MECOM: variants seen among roughly 807,000 people sequenced by gnomAD.
MECOM encodes histone-lysine N-methyltransferase MECOM.
Under a neutral mutation model 116.3 loss-of-function variants are expected in MECOM, and 13 were observed. The ratio of observed to expected loss-of-function variants is 0.11; its 90% CI spans 0.07 to 0.18. MECOM has a LOEUF of 0.18. Ranked by LOEUF, MECOM falls within the 10% of genes least tolerant of loss-of-function variation. The pLI, the probability that MECOM is intolerant of heterozygous loss-of-function variation, is 1.00. For synonymous variants in MECOM, 528 were observed against 535.2 expected (o/e 0.99, Z 0.19); for missense variants, 1,299 against 1,509.0 (o/e 0.86, Z 2.31).
At chr3:169,604,814 T>TA (rs1296791152) in intron 1 of MECOM, among the ~76,000 whole-genome samples, 1 of 152,124 alleles carries the variant, frequency 6.6e-6, no homozygotes, top group Non-Finnish European at 1.5e-5. Context: ...CTCCCATCCC[T>TA]AAAAGTGGGC....
chr3:169,624,358 A>G (rs1771101559), intron 1 of MECOM, among the ~76,000 whole-genome samples: 1 of 152,138 alleles, frequency 6.6e-6, no homozygotes, highest in Non-Finnish European at 1.5e-5. Context: ...GCCTTCTTGG[A>G]TGTTTGTGCT....
At chr3:169,559,912 C>T (rs1374388147) in intron 1 of MECOM, among the ~76,000 whole-genome samples, 10 of 152,166 alleles carry the variant, frequency 6.6e-5, no homozygotes, top group Admixed American at 6.6e-4. Flanking sequence ...ATAGGTCATA[C>T]ATTCAGGACT....
At chr3:169,538,095 T>C (rs1433521096) in intron 1 of MECOM, among the ~76,000 whole-genome samples, 8 of 152,192 alleles carry the variant, frequency 5.3e-5, no homozygotes, top group Non-Finnish European at 1.0e-4. Context: ...AGCACCCCAG[T>C]TGATTCTAAT....
intron 1 of MECOM, among the ~76,000 whole-genome samples, chr3:169,545,047 A>T (rs759023717): frequency 3.1e-4 from 47 of 152,246 alleles, no homozygotes; most frequent in African/African-American, 6.5e-4. Context: ...TTTAAAAAAA[A>T]TTTTTTTAAT....
chr3:169,265,444 C>T (rs755116763), intron 2 of MECOM, among the ~76,000 whole-genome samples: 6 of 152,082 alleles, frequency 3.9e-5, no homozygotes, highest in South Asian at 2.1e-4. Context: ...GTATGTACTG[C>T]GATTATTGTC....
At chr3:169,323,486 G>GCAGA (rs1212068076) in intron 2 of MECOM, among the ~76,000 whole-genome samples, 1 of 152,108 alleles carries the variant, frequency 6.6e-6, no homozygotes. Context: ...GAAGAGAGAG[G>GCAGA]CAGACAGACA....
chr3:169,099,971 T>C (rs1297169067), intron 12 of MECOM, among the ~76,000 whole-genome samples: 1 of 152,132 alleles, frequency 6.6e-6, no homozygotes, highest in Admixed American at 6.6e-5. Flanking sequence ...TAGGAAATTA[T>C]TGATAAAATT....
chr3:169,142,247 T>A (rs1477199361), intron 3 of MECOM, among the ~76,000 whole-genome samples: 1 of 151,950 alleles, frequency 6.6e-6, no homozygotes, highest in East Asian at 1.9e-4. Context: ...TTTCACGGAT[T>A]CTACAACAGT....
chr3:169,275,589 C>T (rs937266022), intron 2 of MECOM, among the ~76,000 whole-genome samples: 3 of 152,170 alleles, frequency 2.0e-5, no homozygotes, highest in African/African-American at 7.2e-5. Context: ...TTAAAATACA[C>T]TATTTAATTT....
intron 1 of MECOM, among the ~76,000 whole-genome samples, chr3:169,405,668 T>C (rs767366304): frequency 6.6e-6 from 1 of 152,238 alleles, no homozygotes; most frequent in Non-Finnish European, 1.5e-5. Flanking sequence ...AATATGTCCA[T>C]TTAGTACTTT....
At chr3:169,285,683 C>G (rs1343197491) in intron 2 of MECOM, among the ~76,000 whole-genome samples, 4 of 152,170 alleles carry the variant, frequency 2.6e-5, no homozygotes, top group African/African-American at 9.7e-5. Flanking sequence ...AAGATGTACT[C>G]TCATTTTCCT....
intron 1 of MECOM, among the ~76,000 whole-genome samples, chr3:169,499,930 G>A (rs1358193851): frequency 6.6e-6 from 1 of 152,016 alleles, no homozygotes; most frequent in African/African-American, 2.4e-5. Flanking sequence ...CATTTTCTAA[G>A]GCTCTCTAGC....
At chr3:169,556,832 T>C (rs1378702317) in intron 1 of MECOM, among the ~76,000 whole-genome samples, 2 of 152,260 alleles carry the variant, frequency 1.3e-5, no homozygotes, top group Middle Eastern at 3.4e-3. Flanking sequence ...CAGCAATATC[T>C]GGATTGCAAC....
chr3:169,349,407 G>T (rs565166031), intron 2 of MECOM, among the ~76,000 whole-genome samples: 2 of 151,772 alleles, frequency 1.3e-5, no homozygotes, highest in African/African-American at 4.8e-5. Flanking sequence ...GCCACTTCAC[G>T]CTCTAGTGGG....
At chr3:169,537,764 A>ATGCCTTT (rs1759569971) in intron 1 of MECOM, among the ~76,000 whole-genome samples, 1 of 152,086 alleles carries the variant, frequency 6.6e-6, no homozygotes, top group Admixed American at 6.6e-5. Flanking sequence ...CCTATCACAA[A>ATGCCTTT]TGCCTTTTTC....
chr3:169,153,849 C>G (rs1431442548), intron 2 of MECOM, among the ~76,000 whole-genome samples: 1 of 152,070 alleles, frequency 6.6e-6, no homozygotes, highest in Non-Finnish European at 1.5e-5. Context: ...TTCATGGGAA[C>G]AGGTCAAAAT....
At chr3:169,630,607 C>T (rs1335022270) in intron 1 of MECOM, among the ~76,000 whole-genome samples, 3 of 152,174 alleles carry the variant, frequency 2.0e-5, no homozygotes, top group African/African-American at 7.2e-5. Context: ...TACACACCAC[C>T]ATGTCCAGCT....
intron 1 of MECOM, among the ~76,000 whole-genome samples, chr3:169,482,469 C>T (rs1312431787): frequency 6.6e-6 from 1 of 151,716 alleles, no homozygotes; most frequent in Non-Finnish European, 1.5e-5. Flanking sequence ...GTAGCTGGGA[C>T]CTGTACAGGC....
Position 169,218,236 on chromosome 3 carries a change from T to C in MECOM, c.376-74404A>G, listed in dbSNP as rs1022330313. On this transcript the variant is annotated intron_variant, in intron 2 of 16. Transcript: ENST00000651503. ...AAAAAAAAGGATCCATTAATCAAAA[T>C]TGTGTGACATGAAAAAATTTCATTT... Among the ~76,000 whole-genome samples, 13 of 152,138 alleles carry C rather than the reference T, an allele frequency of 8.5e-5. 1 individual carries two copies. The highest frequency in any genetic ancestry group is 6.6e-4 in the Admixed American group (10 of 15,266).
Sources: allele counts gnomAD v4.1 joint callset (sites outside exome capture counted in the v4.1 genomes callset), GRCh38; gene constraint gnomAD v4.1.1; transcripts MANE v1.5; gene names NCBI Gene and HGNC (gene_info 2026-07-23, HGNC 2026-07-21).